The following CYP2R1 variants were observed in gnomAD, a reference collection of about 807,000 sequenced individuals.
CYP2R1 encodes cytochrome P450 family 2 subfamily R member 1.
CYP2R1 carries 40 observed loss-of-function variants against 45.7 expected under a neutral mutation model. The ratio of observed to expected loss-of-function variants is 0.87; its 90% CI spans 0.68 to 1.14. The LOEUF is 1.14. CYP2R1 is among the 50% of genes most tolerant of loss of function. The pLI, the probability that CYP2R1 is intolerant of heterozygous loss-of-function variation, is 0.00. For missense variants in CYP2R1, 605 were observed against 602.6 expected, an observed-to-expected ratio of 1.00 and a Z score of -0.04; for synonymous variants, 234 against 219.3, an observed-to-expected ratio of 1.07 and a Z score of -0.59.
intron 4 of CYP2R1, 152 bp from the exon 5 acceptor site, chr11:14,878,449 A>G: frequency 1.2e-6 from 1 of 810,892 alleles, no homozygotes; most frequent in South Asian, 1.8e-5. Flanking sequence ...ATCTCAAAGA[A>G]TAGAAATTGA....
intron 2 of CYP2R1, 92 bp from the exon 3 acceptor site, chr11:14,880,860 A>T (rs1212019608): frequency 1.6e-5 from 20 of 1,224,666 alleles, no homozygotes; most frequent in Non-Finnish European, 2.3e-5. Flanking sequence ...ATGGTTAGTC[A>T]TCCTTCTCCA....
chr11:14,883,377 C>T (rs1848470608), intron 2 of CYP2R1, among the ~76,000 whole-genome samples: 1 of 152,118 alleles, frequency 6.6e-6, no homozygotes, highest in Non-Finnish European at 1.5e-5. Context: ...AGAAATAATG[C>T]CGCATATCTA....
In CYP2R1 at chr11:14,879,367, A is replaced by C; in HGVS notation, c.1077T>G (p.Pro359=). The C allele has an allele frequency of 6.2e-7, 1 of 1,611,498 alleles. No individual in the cohort carries two copies. The highest frequency in any genetic ancestry group is 8.5e-7 in the Non-Finnish European group (1 of 1,179,484). The change falls in exon 4 of 5, where the codon CCT becomes CCG. Residue 359 remains proline (P), a synonymous_variant. Coordinates refer to ENST00000334636, the MANE Select transcript of CYP2R1 (RefSeq NM_024514.5). ...CTTCATGCAAAACTGCCTCAGTATA[A>C]GGCATTTTGCATTTGTCGTCCCAAG... The part of the protein sequence containing the change: ...KPSWDDKCKM[P]YTEAVLHEVL...
rs1848821740 is a variant in CYP2R1 at position 14,890,827 on chromosome 11, C to T, written c.225+1154G>A. ...CCTCCTAAAGTGCTGGGATTATAGG[C>T]GTGAGCCACCGCGCCCGGGCACCTA... On this transcript the variant is annotated intron_variant, in intron 1 of 4. Transcript: ENST00000334636. 16 of 978,560 alleles carry T rather than the reference C, an allele frequency of 1.6e-5. No individual in the cohort carries two copies. In the South Asian group the frequency reaches 7.6e-4, roughly 46 times the overall value. 60.6% of individuals were successfully genotyped at this position (978,560 alleles called of 1,614,324 possible). A position where few individuals can be genotyped will look rare whatever the true frequency, so the allele number is the denominator to read the frequency against.
chr11:14,885,220 TTGC>T (rs1343516546), intron 2 of CYP2R1, among the ~76,000 whole-genome samples: 6 of 152,186 alleles, frequency 3.9e-5, no homozygotes, highest in Non-Finnish European at 7.4e-5. Context: ...AGGCTGTCTG[TTGC>T]TGCTTTCTTC....
chr11:14,880,307 C>A lies in CYP2R1; in HGVS notation c.829G>T (p.Val277Phe). 1 of 1,613,202 alleles carries A rather than the reference C, an allele frequency of 6.2e-7. No individual in the cohort carries two copies. Among genetic ancestry groups the A allele is most frequent in the Non-Finnish European group, 8.5e-7 (1 of 1,179,504 alleles). ...NRKPQLPQHF[V>F]DAYLDEMDQG... is the part of the protein sequence containing the mutation. Reference sequence around the variant, plus strand: ...TCCATCTCATCTAAATAAGCATCAACAAAATGCTGAGGTAGCTGAGGCTTT... The same window carrying A: ...TCCATCTCATCTAAATAAGCATCAAAAAAATGCTGAGGTAGCTGAGGCTTT... Residue 277 changes from valine (V) to phenylalanine (F), a missense_variant, in exon 3 of 5, where the codon GTT becomes TTT. Physicochemically the swap from Val to Phe is conservative, Grantham distance 50. Transcript: ENST00000334636.
intron 2 of CYP2R1, 22 bp downstream of exon 2, chr11:14,885,754 A>C: frequency 6.2e-7 from 1 of 1,609,604 alleles, no homozygotes; most frequent in Non-Finnish European, 8.5e-7. Flanking sequence ...GTAAATCACT[A>C]AATAGGTGCA....
In CYP2R1 at chr11:14,877,466, G is replaced by A. The variant is rs1178551026; in HGVS notation, c.*656C>T. 2 of 152,060 alleles carry A rather than the reference G, an allele frequency of 1.3e-5. No individual in the cohort carries two copies. Among genetic ancestry groups the A allele is most frequent in the Non-Finnish European group, 2.9e-5 (2 of 68,000 alleles). 9.4% of individuals were successfully genotyped at this position (152,060 alleles called of 1,614,324 possible). A position where few individuals can be genotyped will look rare whatever the true frequency, so the allele number is the denominator to read the frequency against. ...CATTTTAAATTTTAAATATATTATT[G>A]TAATGTCCTATCTACTTAACTGCTA... On this transcript the variant is annotated 3_prime_UTR_variant, in exon 5 of 5. Transcript: ENST00000334636.
In CYP2R1 at chr11:14,879,249, T is replaced by A. The variant is rs1590212408; in HGVS notation, c.1195A>T (p.Thr399Ser). The change falls in exon 4 of 5, where the codon ACA becomes TCA. Residue 399 changes from threonine (T) to serine (S), a missense_variant. Thr to Ser is a moderately conservative substitution (Grantham distance 58). Coordinates refer to ENST00000334636, the MANE Select transcript of CYP2R1 (RefSeq NM_024514.5). Reference protein sequence around the residue: ...VRGYSIPKGTTVITNLYSVHF... With the variant: ...VRGYSIPKGTSVITNLYSVHF... ...ACAGAATAAAGATTTGTAATTACTG[T>A]TGTGCCTTTAGGAATGGAATAACCA... The A allele has an allele frequency of 3.1e-6, 5 of 1,613,274 alleles. No homozygotes were observed. The highest frequency in any genetic ancestry group is 4.2e-6 in the Non-Finnish European group (5 of 1,179,522).
chr11:14,891,869 GA>G (rs1848871133), intron 1 of CYP2R1, 111 bp downstream of exon 1: 1 of 1,414,164 alleles, frequency 7.1e-7, no homozygotes, highest in African/African-American at 1.5e-5. Context: ...CCGGCACACG[GA>G]GAGGTCCCGA....
chr11:14,884,716 T>G (rs965812648), intron 2 of CYP2R1, among the ~76,000 whole-genome samples: 2 of 151,656 alleles, frequency 1.3e-5, no homozygotes. Flanking sequence ...AAAAAAGAAA[T>G]AAAAAAACAC....
chr11:14,891,674 C>A lies in CYP2R1; in HGVS notation c.225+307G>T, dbSNP rs782478757. ...GGACCTGAAGTGGCGGCGCGGCTGG[C>A]GAGCCAAACGGCGCAGGCGCAGGAG... is the stretch of plus-strand genomic sequence containing the variant. On this transcript the variant is annotated intron_variant, in intron 1 of 4. Coordinates refer to ENST00000334636, the MANE Select transcript of CYP2R1 (RefSeq NM_024514.5). 8 of 1,163,952 alleles carry A rather than the reference C, an allele frequency of 6.9e-6. 1 individual carries two copies. In the Admixed American group the frequency reaches 3.3e-4, roughly 48 times the overall value. The allele number at this position is 1,163,952 out of a possible 1,614,324, so 72.1% of individuals were successfully genotyped here.
At chr11:14,887,070 G>C (rs1590228119) in intron 1 of CYP2R1, 1 of 152,256 alleles carries the variant, frequency 6.6e-6, no homozygotes, top group East Asian at 1.9e-4. Context: ...TAAGTAAAAG[G>C]GAATGGCTAC....
intron 1 of CYP2R1, chr11:14,886,319 C>A: frequency 5.6e-6 from 1 of 179,234 alleles, no homozygotes; most frequent in Non-Finnish European, 1.2e-5. Context: ...TCAAAATGTT[C>A]AATGATATCT....
Position 14,880,766 on chromosome 11 carries a change from A to C in CYP2R1, c.370T>G (p.Leu124Val). ...CCTCGGCCATATCTGGAATTGAGTAAGCCTGAAAAAAAATATTAAAATATT... is the reference window on the plus strand; with the variant it reads ...CCTCGGCCATATCTGGAATTGAGTACGCCTGAAAAAAAATATTAAAATATT... ...LFMKMTKMGG[L>V]LNSRYGRGWV... Residue 124 changes from leucine to valine, a missense_variant and splice_region_variant, in exon 3 of 5, where the codon TTA becomes GTA. Coordinates refer to ENST00000334636, the MANE Select transcript of CYP2R1 (RefSeq NM_024514.5). 6.2e-7 allele frequency: 1 copy of C among 1,606,022 alleles called. No individual in the cohort carries two copies. Among genetic ancestry groups the C allele is most frequent in the Non-Finnish European group, 8.5e-7 (1 of 1,177,538 alleles).
chr11:14,888,169 T>G (rs1555015331), intron 1 of CYP2R1, among the ~76,000 whole-genome samples: 1 of 152,196 alleles, frequency 6.6e-6, no homozygotes, highest in East Asian at 1.9e-4. Flanking sequence ...CCTAATTTAG[T>G]TTACTTCCTA....
chr11:14,879,301 A>C lies in CYP2R1; in HGVS notation c.1143T>G (p.His381Gln). ...GTACAACTGCATCTTCAGAGGTTGC[A>C]TGGAAAATCCCTAATGGAACTATAT... ...FCNIVPLGIF[H>Q]ATSEDAVVRG... is the part of the protein sequence containing the mutation. Residue 381 changes from histidine (H) to glutamine (Q), a missense_variant, in exon 4 of 5, where the codon CAT (histidine) becomes CAG (glutamine). Transcript: ENST00000334636. 1.2e-6 allele frequency: 2 copies of C among 1,613,330 alleles called. No individual in the cohort carries two copies. Among genetic ancestry groups the C allele is most frequent in the Non-Finnish European group, 1.7e-6 (2 of 1,179,572 alleles).
At chr11:14,879,520 T>A in intron 3 of CYP2R1, 77 bp from the exon 4 acceptor site, 1 of 1,232,826 alleles carries the variant, frequency 8.1e-7, no homozygotes, top group Non-Finnish European at 1.1e-6. Context: ...TGGAATAAAA[T>A]AAAGGATAAC....
At chr11:14,882,462 G>A (rs145681097) in intron 2 of CYP2R1, among the ~76,000 whole-genome samples, 1,666 of 152,190 alleles carry the variant, frequency 0.011, 28 homozygotes, top group African/African-American at 0.038. Context: ...AGAAATATGT[G>A]CACATGGGAT....
Sources: gnomAD v4.1 joint callset for allele counts (sites outside exome capture counted in the v4.1 genomes callset) on GRCh38, gnomAD v4.1.1 for gene constraint, MANE v1.5 for transcripts, NCBI Gene and HGNC (gene_info 2026-07-23, HGNC 2026-07-21) for gene names.